WWOX: variants seen among roughly 807,000 people sequenced by gnomAD.
The protein encoded by WWOX is WW domain containing oxidoreductase, also known as WW domain-containing oxidoreductase.
Under a neutral mutation model 46.2 loss-of-function variants are expected in WWOX, and 69 were observed. The ratio of observed to expected loss-of-function variants is 1.49; its 90% CI spans 1.23 to 1.82. WWOX has a LOEUF of 1.82. WWOX is among the 40% of genes most tolerant of loss of function. The pLI is 0.00. For missense variants in WWOX, 919 were observed against 542.6 expected (o/e 1.69, Z -6.89); for synonymous variants, 359 against 202.6 (o/e 1.77, Z -6.56).
At chr16:78,106,663 G>T (rs945648163) in intron 1 of WWOX, among the ~76,000 whole-genome samples, 1 of 152,094 alleles carries the variant, frequency 6.6e-6, no homozygotes, top group Non-Finnish European at 1.5e-5. Context: ...TAATCCGCCT[G>T]CCTTGCCCTC....
intron 8 of WWOX, among the ~76,000 whole-genome samples, chr16:78,793,266 G>A (rs2050654575): frequency 6.6e-6 from 1 of 152,028 alleles, no homozygotes; most frequent in African/African-American, 2.4e-5. Context: ...TTGCCATGTT[G>A]CACTGGCTGG....
At chr16:79,204,789 T>C (rs1260560074) in intron 8 of WWOX, 1 of 152,170 alleles carries the variant, frequency 6.6e-6, no homozygotes, top group African/African-American at 2.4e-5. Flanking sequence ...CCTATTTTTC[T>C]CTAAAACTTA....
intron 5 of WWOX, among the ~76,000 whole-genome samples, chr16:78,242,078 C>G (rs115284675): frequency 6.6e-6 from 1 of 152,186 alleles, no homozygotes; most frequent in East Asian, 1.9e-4. Flanking sequence ...AGCTGTTAGC[C>G]TTGCCGCCCT....
chr16:78,365,502 C>T (rs1362175264), intron 5 of WWOX, among the ~76,000 whole-genome samples: 1 of 152,106 alleles, frequency 6.6e-6, no homozygotes, highest in East Asian at 1.9e-4. Flanking sequence ...AACATGACTT[C>T]AATAATGACA....
intron 8 of WWOX, among the ~76,000 whole-genome samples, chr16:79,076,024 A>G (rs1183293060): frequency 6.6e-6 from 1 of 152,158 alleles, no homozygotes; most frequent in East Asian, 1.9e-4. Flanking sequence ...TTCTTCTTAC[A>G]GTATATGTAG....
intron 8 of WWOX, among the ~76,000 whole-genome samples, chr16:78,738,738 G>A (rs1460251037): frequency 6.6e-6 from 1 of 152,150 alleles, no homozygotes; most frequent in Non-Finnish European, 1.5e-5. Flanking sequence ...AGGTGTGAAT[G>A]CGAACAGAGG....
intron 8 of WWOX, among the ~76,000 whole-genome samples, chr16:78,928,475 T>G (rs1159774882): frequency 6.6e-6 from 1 of 152,186 alleles, no homozygotes; most frequent in Non-Finnish European, 1.5e-5. Context: ...GTGCTGGGAT[T>G]ACAGGCGTGA....
At chr16:78,438,258 A>G (rs1157753203) in intron 8 of WWOX, among the ~76,000 whole-genome samples, 1 of 152,246 alleles carries the variant, frequency 6.6e-6, no homozygotes, top group Non-Finnish European at 1.5e-5. Context: ...ATTGAAAAGC[A>G]CAGAAACCTC....
At chr16:78,781,956 T>C (rs17642159) in intron 8 of WWOX, among the ~76,000 whole-genome samples, 4,080 of 152,298 alleles carry the variant, frequency 0.027, 86 homozygotes, top group Non-Finnish European at 0.04. Flanking sequence ...CTCTTCATTC[T>C]CCAAGTAAGC....
At chr16:78,554,902 A>G (rs2044253467) in intron 8 of WWOX, among the ~76,000 whole-genome samples, 1 of 152,164 alleles carries the variant, frequency 6.6e-6, no homozygotes, top group Non-Finnish European at 1.5e-5. Flanking sequence ...TTTCACAAAG[A>G]CTGTAAGCCT....
Position 78,841,106 on chromosome 16 carries a change from A to G in WWOX, c.1057-370502A>G, listed in dbSNP as rs530728628. On this transcript the variant is annotated intron_variant, in intron 8 of 8. Coordinates refer to ENST00000566780, the MANE Select transcript of WWOX (RefSeq NM_016373.4). ...CCCCAGACATTCATTTCGGTAAAAA[A>G]CTTGTTTCCATTGATCTGACCCCAG... Among the ~76,000 whole-genome samples the G allele has an allele frequency of 2.6e-5, 4 of 152,154 alleles. No homozygotes were observed. In the East Asian group the frequency reaches 5.8e-4, roughly 22 times the overall value.
At chr16:78,483,043 A>C (rs2151449753) in intron 8 of WWOX, among the ~76,000 whole-genome samples, 1 of 152,266 alleles carries the variant, frequency 6.6e-6, no homozygotes, top group East Asian at 1.9e-4. Context: ...GGGTCCCTAG[A>C]CATGAAGGGC....
intron 8 of WWOX, among the ~76,000 whole-genome samples, chr16:78,971,667 C>T (rs2046473020): frequency 6.6e-6 from 1 of 151,950 alleles, no homozygotes. Flanking sequence ...CTTAGGGTTC[C>T]TTTTTTTCAA....
intron 4 of WWOX, among the ~76,000 whole-genome samples, chr16:78,147,568 G>A (rs1048421398): frequency 3.3e-5 from 5 of 151,736 alleles, no homozygotes; most frequent in African/African-American, 1.2e-4. Context: ...ACGTGACTTT[G>A]GTAGCATAAA....
intron 5 of WWOX, among the ~76,000 whole-genome samples, chr16:78,220,303 C>G (rs2036847725): frequency 6.6e-6 from 1 of 152,166 alleles, no homozygotes; most frequent in Admixed American, 6.5e-5. Flanking sequence ...TTTCTGATTT[C>G]ATACACTTAA....
chr16:78,964,990 C>T (rs1290404244), intron 8 of WWOX, among the ~76,000 whole-genome samples: 1 of 152,164 alleles, frequency 6.6e-6, no homozygotes, highest in Non-Finnish European at 1.5e-5. Context: ...TTGGGAACCT[C>T]TGCCTAGTTT....
At chr16:78,667,244 C>T (rs956376283) in intron 8 of WWOX, among the ~76,000 whole-genome samples, 4 of 152,228 alleles carry the variant, frequency 2.6e-5, no homozygotes, top group Non-Finnish European at 5.9e-5. Flanking sequence ...CCCCTCGTAG[C>T]AGACTATCTT....
chr16:79,170,946 C>G (rs2050688487), intron 8 of WWOX, among the ~76,000 whole-genome samples: 1 of 152,146 alleles, frequency 6.6e-6, no homozygotes, highest in South Asian at 2.1e-4. Flanking sequence ...ATTGACTTAT[C>G]TAAATATTCC....
intron 8 of WWOX, among the ~76,000 whole-genome samples, chr16:78,517,481 G>C (rs533940167): frequency 1.3e-5 from 2 of 152,202 alleles, no homozygotes; most frequent in Non-Finnish European, 2.9e-5. Flanking sequence ...ATTTATGGCT[G>C]TGTGATATCA....
Sources: gnomAD v4.1 joint callset for allele counts (sites outside exome capture counted in the v4.1 genomes callset) on GRCh38, gnomAD v4.1.1 for gene constraint, MANE v1.5 for transcripts, NCBI Gene and HGNC (gene_info 2026-07-23, HGNC 2026-07-21) for gene names.